The following ATF7 variants were observed in gnomAD, a reference collection of about 807,000 sequenced individuals.
ATF7 encodes activating transcription factor 7.
In ATF7, 10 loss-of-function variants were observed where a neutral mutation model predicts 50.4. The observed-to-expected ratio is 0.20, with a 90% CI of 0.12 to 0.34. ATF7 has a LOEUF of 0.34. Among genes scored for constraint, ATF7 ranks in the 10% least tolerant of loss-of-function variants. The pLI, the probability that ATF7 is intolerant of heterozygous loss-of-function variation, is 1.00. For synonymous variants in ATF7, 201 were observed against 226.4 expected (o/e 0.89, Z 1.01); for missense variants, 465 against 613.9 (o/e 0.76, Z 2.56).
chr12:53,605,909 TA>T (rs1388927006), intron 1 of ATF7, among the ~76,000 whole-genome samples: 1 of 152,224 alleles, frequency 6.6e-6, no homozygotes, highest in Non-Finnish European at 1.5e-5. Context: ...AGTTTGCACT[TA>T]ACTTCAGGTT....
intron 2 of ATF7, among the ~76,000 whole-genome samples, chr12:53,561,685 C>A (rs1014377852): frequency 6.6e-6 from 1 of 152,094 alleles, no homozygotes; most frequent in African/African-American, 2.4e-5. Flanking sequence ...CTCCTGCTCT[C>A]TACTTCAAGA....
intron 1 of ATF7, among the ~76,000 whole-genome samples, chr12:53,615,315 C>T (rs3928436): frequency 0.18 from 27,543 of 151,688 alleles, 3,062 homozygotes; most frequent in East Asian, 0.56. Flanking sequence ...ACCCGGGAGG[C>T]GAAGCTTGCA....
chr12:53,544,382 G>T (rs922792982), intron 3 of ATF7, among the ~76,000 whole-genome samples: 4 of 152,098 alleles, frequency 2.6e-5, no homozygotes, highest in Admixed American at 6.6e-5. Context: ...ACCCCAAACC[G>T]CTAGAATGAA....
At chr12:53,601,062 G>C in intron 1 of ATF7, 41 bp from the exon 2 acceptor site, 1 of 1,372,778 alleles carries the variant, frequency 7.3e-7, no homozygotes, top group Admixed American at 2.5e-5. Context: ...TGTTAAATAT[G>C]CTGGAGCAAA....
At chr12:53,529,374 A>AT (rs1421431689) in intron 9 of ATF7, among the ~76,000 whole-genome samples, 5 of 142,742 alleles carry the variant, frequency 3.5e-5, no homozygotes, top group Non-Finnish European at 6.1e-5. Context: ...TAATTTTTGT[A>AT]TTTTTTTTAG....
At chr12:53,522,906 C>T (rs1456130672) in intron 11 of ATF7, among the ~76,000 whole-genome samples, 2 of 152,214 alleles carry the variant, frequency 1.3e-5, no homozygotes, top group African/African-American at 4.8e-5. Flanking sequence ...ATCTTGGCTT[C>T]ACCACTTTCC....
intron 2 of ATF7, among the ~76,000 whole-genome samples, chr12:53,576,724 A>G (rs1203373019): frequency 2.0e-5 from 3 of 151,854 alleles, no homozygotes; most frequent in African/African-American, 7.3e-5. Flanking sequence ...AAACAAACAA[A>G]CAAGAAACGC....
At chr12:53,550,971 A>G (rs1282745363) in intron 3 of ATF7, among the ~76,000 whole-genome samples, 1 of 152,214 alleles carries the variant, frequency 6.6e-6, no homozygotes, top group East Asian at 1.9e-4. Context: ...CCTTGCCCCA[A>G]ATTTACCTCT....
chr12:53,592,683 C>G lies in ATF7; in HGVS notation c.48+8270G>C, dbSNP rs1592947592. On this transcript the variant is annotated intron_variant, in intron 2 of 11. Transcript: ENST00000420353. The stretch of plus-strand genomic sequence containing the variant: ...TGATAGCAAACAAAGAAAAAAAACC[C>G]TCAAATTTGGGGGTGATGAGTTCTA... Among the ~76,000 whole-genome samples the G allele has an allele frequency of 2.0e-5, 3 of 152,180 alleles. No homozygotes were observed. In the East Asian group the frequency reaches 5.8e-4, roughly 29 times the overall value.
chr12:53,609,776 C>A (rs1475945398), intron 1 of ATF7, among the ~76,000 whole-genome samples: 11 of 150,302 alleles, frequency 7.3e-5, no homozygotes, highest in Admixed American at 6.6e-4. Flanking sequence ...ATATATGTAC[C>A]ACTATAATCT....
At chr12:53,620,880 A>T (rs1944353120) in intron 1 of ATF7, among the ~76,000 whole-genome samples, 1 of 152,136 alleles carries the variant, frequency 6.6e-6, no homozygotes, top group Non-Finnish European at 1.5e-5. Context: ...AAACAGGACT[A>T]GAAGTCTTGG....
intron 2 of ATF7, among the ~76,000 whole-genome samples, chr12:53,598,571 G>A (rs909262936): frequency 2.0e-5 from 3 of 152,252 alleles, no homozygotes; most frequent in Middle Eastern, 6.8e-3. Flanking sequence ...ACAACCTTAC[G>A]AGAAGGAACC....
At chr12:53,533,770 C>A (rs784568) in intron 6 of ATF7, among the ~76,000 whole-genome samples, 56,853 of 151,976 alleles carry the variant, frequency 0.37, 13,324 homozygotes, top group Non-Finnish European at 0.52. Flanking sequence ...CCATGGGTAC[C>A]GTGCCAGGAG....
chr12:53,517,340 T>A lies in ATF7; in HGVS notation c.1249A>T (p.Ser417Cys). 6.2e-7 allele frequency: 1 copy of A among 1,613,508 alleles called. No individual in the cohort carries two copies. Among genetic ancestry groups the A allele is most frequent in the Non-Finnish European group, 8.5e-7 (1 of 1,179,710 alleles). The change falls in exon 12 of 12, where the codon AGC (serine) becomes TGC (cysteine). Residue 417 changes from serine to cysteine, a missense_variant. Physicochemically the swap from Ser to Cys is moderately radical, Grantham distance 112 (BLOSUM62 -1). Coordinates refer to ENST00000420353, the MANE Select transcript of ATF7 (RefSeq NM_006856.3). ...TQGYLESPKE[S>C]SEPTGSPAPV... ...GCTGGAGAACCCGTTGGCTCTGAGC[T>A]TTCCTTGGGGCTTTCTGCCAGGAAG...
rs2137307917 is a variant in ATF7, at chr12:53,517,344, C to T, written c.1245G>A (p.Lys415=). The T allele has an allele frequency of 6.2e-7, 1 of 1,613,286 alleles. No individual in the cohort carries two copies. Among genetic ancestry groups the T allele is most frequent in the East Asian group, 2.2e-5 (1 of 44,872 alleles). Residue 415 remains lysine (K), a synonymous_variant, in exon 12 of 12, where the codon AAG becomes AAA. Transcript: ENST00000420353. ...GAGAACCCGTTGGCTCTGAGCTTTC[C>T]TTGGGGCTTTCTGCCAGGAAGGAGG... ...KKTQGYLESP[K]ESSEPTGSPA... is the part of the protein sequence containing the mutation.
At chr12:53,554,930 A>G (rs1374377631) in intron 2 of ATF7, among the ~76,000 whole-genome samples, 1 of 151,858 alleles carries the variant, frequency 6.6e-6, no homozygotes, top group Non-Finnish European at 1.5e-5. Flanking sequence ...TCTAGGACAA[A>G]AACTGAATAA....
intron 2 of ATF7, among the ~76,000 whole-genome samples, chr12:53,593,429 A>G (rs1464673581): frequency 6.6e-6 from 1 of 152,122 alleles, no homozygotes; most frequent in Non-Finnish European, 1.5e-5. Context: ...TGTTTAAGTC[A>G]CTGGCACATA....
intron 2 of ATF7, among the ~76,000 whole-genome samples, chr12:53,584,543 A>G (rs960505510): frequency 1.3e-5 from 2 of 152,322 alleles, no homozygotes; most frequent in Non-Finnish European, 2.9e-5. Context: ...TATTTACCCA[A>G]ATGAACAGAA....
chr12:53,523,443 C>T (rs1386832630), intron 10 of ATF7, 59 bp from the exon 11 acceptor site: 4 of 1,242,206 alleles, frequency 3.2e-6, no homozygotes, highest in Non-Finnish European at 4.7e-6. Flanking sequence ...CTTGCACCCT[C>T]AGTGGCTGTT....
Sources: allele counts gnomAD v4.1 joint callset (sites outside exome capture counted in the v4.1 genomes callset), GRCh38; gene constraint gnomAD v4.1.1; transcripts MANE v1.5; gene names NCBI Gene and HGNC (gene_info 2026-07-23, HGNC 2026-07-21).